CCDC30: variants seen among roughly 807,000 people sequenced by gnomAD.
CCDC30 encodes coiled-coil domain-containing protein 30.
Under a neutral mutation model 100.2 loss-of-function variants are expected in CCDC30, and 70 were observed. The ratio of observed to expected loss-of-function variants is 0.70; its 90% CI spans 0.58 to 0.85. The LOEUF (loss-of-function observed/expected upper bound fraction) is 0.85, where lower values mean the gene tolerates loss of function less well. Among genes scored for constraint, CCDC30 ranks in the 40% least tolerant of loss-of-function variants. The pLI is 0.00. For missense variants in CCDC30, 652 were observed against 771.2 expected (o/e 0.85, Z 1.83); for synonymous variants, 233 against 269.5 (o/e 0.86, Z 1.33).
intron 11 of CCDC30, among the ~76,000 whole-genome samples, chr1:42,628,507 C>G (rs908979433): frequency 5.3e-5 from 8 of 151,984 alleles, no homozygotes; most frequent in African/African-American, 1.7e-4. Context: ...TGGCTTTGTC[C>G]CCACCCAAAT....
intron 6 of CCDC30, 124 bp from the exon 11 acceptor site, chr1:42,566,172 A>T: frequency 2.9e-6 from 2 of 699,380 alleles, no homozygotes; most frequent in Non-Finnish European, 4.8e-6. Flanking sequence ...AGATAAGCTA[A>T]CTCCAAAAAC....
chr1:42,619,546 G>A (rs368269392), intron 11 of CCDC30, among the ~76,000 whole-genome samples: 2 of 152,254 alleles, frequency 1.3e-5, no homozygotes, highest in East Asian at 3.9e-4. Context: ...AAAGAATGGG[G>A]GCTTAGATCA....
chr1:42,538,847 C>A (rs1038599457), intron 6 of CCDC30, among the ~76,000 whole-genome samples: 4 of 152,150 alleles, frequency 2.6e-5, no homozygotes, highest in African/African-American at 9.7e-5. Flanking sequence ...GATAATATAA[C>A]TATTGATAGT....
At chr1:42,619,800 C>T (rs112556213) in intron 11 of CCDC30, among the ~76,000 whole-genome samples, 10 of 152,318 alleles carry the variant, frequency 6.6e-5, no homozygotes, top group African/African-American at 2.2e-4. Flanking sequence ...CCCCGCCCCC[C>T]ATCCACCTGC....
At chr1:42,568,842 C>G (rs1401955730) in intron 7 of CCDC30, among the ~76,000 whole-genome samples, 1 of 150,274 alleles carries the variant, frequency 6.7e-6, no homozygotes, top group Non-Finnish European at 1.5e-5. Context: ...ACTCGGGAGG[C>G]TGAGGCATGA....
chr1:42,530,040 C>A (rs1644782949), intron 6 of CCDC30, among the ~76,000 whole-genome samples: 2 of 152,346 alleles, frequency 1.3e-5, no homozygotes, highest in East Asian at 3.9e-4. Flanking sequence ...ACAACATACA[C>A]ACTGTATACC....
chr1:42,592,082 T>G (rs904765299), intron 10 of CCDC30: 2 of 152,180 alleles, frequency 1.3e-5, no homozygotes, highest in African/African-American at 2.4e-5. Context: ...TTATTTTGAT[T>G]TTTACAGGCT....
upstream of CCDC30, chr1:42,459,951 A>T (rs1315566161): frequency 7.0e-6 from 11 of 1,565,454 alleles, no homozygotes; most frequent in Non-Finnish European, 9.5e-6. Flanking sequence ...ATAGGATCAA[A>T]AATTGTTCAG....
chr1:42,541,887 T>TA (rs1296105901), intron 6 of CCDC30, among the ~76,000 whole-genome samples: 1 of 152,222 alleles, frequency 6.6e-6, no homozygotes, highest in African/African-American at 2.4e-5. Context: ...TCTAGACTCA[T>TA]ACAGAATTTT....
Position 42,497,945 on chromosome 1 carries a change from A to G in CCDC30, c.357+732A>G, listed in dbSNP as rs1037216897. ...TGGATATATGCCCCAGAGAATTGAA[A>G]ACAGAGACTCATACATAGATTTGTA... On this transcript the variant is annotated intron_variant, in intron 5 of 16. Coordinates refer to ENST00000668663, the Ensembl canonical transcript of CCDC30. 2.0e-5 allele frequency among the ~76,000 whole-genome samples: 3 copies of G among 152,322 alleles called. No individual in the cohort carries two copies. In the East Asian group the frequency reaches 5.8e-4, roughly 29 times the overall value.
chr1:42,468,629 A>G (rs1458988491), intron 1 of CCDC30: 3 of 152,246 alleles, frequency 2.0e-5, no homozygotes, highest in East Asian at 3.8e-4. Flanking sequence ...TCCAACTTCA[A>G]TGTGTTTCTG....
intron 6 of CCDC30, among the ~76,000 whole-genome samples, chr1:42,557,569 A>AT (rs1645394836): frequency 6.6e-6 from 1 of 151,486 alleles, no homozygotes; most frequent in Non-Finnish European, 1.5e-5. Flanking sequence ...TATGAAGTTC[A>AT]TTTGTACTTA....
chr1:42,618,423 A>G (rs1646767812), intron 11 of CCDC30, among the ~76,000 whole-genome samples: 1 of 151,946 alleles, frequency 6.6e-6, no homozygotes. Context: ...TTTAATAGAG[A>G]CAGGGTTTCT....
intron 10 of CCDC30, among the ~76,000 whole-genome samples, chr1:42,602,433 C>A (rs898978387): frequency 6.6e-6 from 1 of 151,900 alleles, no homozygotes; most frequent in African/African-American, 2.4e-5. Flanking sequence ...ACATAAGTTA[C>A]AAATTACAAA....
At chr1:42,484,942 C>T (rs1489098640) in intron 3 of CCDC30, among the ~76,000 whole-genome samples, 1 of 151,958 alleles carries the variant, frequency 6.6e-6, no homozygotes, top group Non-Finnish European at 1.5e-5. Flanking sequence ...GATGTGTGGC[C>T]TTTATTGAAT....
intron 6 of CCDC30, among the ~76,000 whole-genome samples, chr1:42,562,969 G>A (rs1282701795): frequency 1.3e-5 from 2 of 152,208 alleles, no homozygotes; most frequent in Admixed American, 6.5e-5. Context: ...TGCTGACGAG[G>A]CTGTGGAGAA....
At chr1:42,630,740 T>G (rs568150789) in intron 11 of CCDC30, among the ~76,000 whole-genome samples, 1 of 152,302 alleles carries the variant, frequency 6.6e-6, no homozygotes, top group African/African-American at 2.4e-5. Flanking sequence ...TGATCAATTC[T>G]GCTATTAAAT....
chr1:42,542,566 C>T (rs1434055492), intron 6 of CCDC30, among the ~76,000 whole-genome samples: 2 of 48,588 alleles, frequency 4.1e-5, no homozygotes, highest in Non-Finnish European at 7.8e-5. Context: ...TTTTTTGAGA[C>T]GGAGTCTCGC....
At chr1:42,541,075 A>C (rs1645002446) in intron 6 of CCDC30, among the ~76,000 whole-genome samples, 2 of 152,220 alleles carry the variant, frequency 1.3e-5, no homozygotes, top group African/African-American at 4.8e-5. Flanking sequence ...ATAATACAAT[A>C]GACTGGGTAG....
Sources: gnomAD v4.1 joint callset for allele counts (sites outside exome capture counted in the v4.1 genomes callset) on GRCh38, gnomAD v4.1.1 for gene constraint, MANE v1.5 for transcripts, NCBI Gene and HGNC (gene_info 2026-07-23, HGNC 2026-07-21) for gene names.